STK11IP: variants seen among roughly 807,000 people sequenced by gnomAD.
STK11IP encodes serine/threonine kinase 11 interacting protein.
Under a neutral mutation model 131.7 loss-of-function variants are expected in STK11IP, and 103 were observed. The observed-to-expected ratio is 0.78, with a 90% CI of 0.67 to 0.92. The LOEUF (loss-of-function observed/expected upper bound fraction) is 0.92, where lower values mean the gene tolerates loss of function less well. Among genes scored for constraint, STK11IP ranks in the 40% least tolerant of loss-of-function variants. The pLI, the probability that STK11IP is intolerant of heterozygous loss-of-function variation, is 0.00. For synonymous variants in STK11IP, 557 were observed against 575.6 expected (o/e 0.97, Z 0.46); for missense variants, 1,315 against 1,385.7 (o/e 0.95, Z 0.81).
chr2:219,601,696 A>C lies in STK11IP; in HGVS notation c.323A>C (p.Lys108Thr), dbSNP rs1300748619. 4 of 1,607,036 alleles carry C rather than the reference A, an allele frequency of 2.5e-6. No individual in the cohort carries two copies. Among genetic ancestry groups the C allele is most frequent in the Non-Finnish European group, 3.4e-6 (4 of 1,176,384 alleles). The change falls in exon 4 of 25, where the codon AAA becomes ACA. Residue 108 changes from lysine (K) to threonine (T), a missense_variant. By Grantham distance (78) the Lys-to-Thr change is moderately conservative (BLOSUM62 -1). Coordinates refer to ENST00000456909, the MANE Select transcript of STK11IP (RefSeq NM_052902.4). ...GGGCCCATCAAGATTTTCCCCTTCA[A>C]ATCCCTTCGGCACCTGGAGGTATGG... ...PTGPIKIFPF[K>T]SLRHLELRGV...
At chr2:219,598,661 TCG>T (rs1697880090) in intron 2 of STK11IP, among the ~76,000 whole-genome samples, 1 of 152,224 alleles carries the variant, frequency 6.6e-6, no homozygotes, top group Non-Finnish European at 1.5e-5. Context: ...TTGTGGGGAT[TCG>T]TTTTAATTCA....
chr2:219,608,766 C>T lies in STK11IP; in HGVS notation c.1787C>T (p.Ala596Val), dbSNP rs1435111009. Residue 596 changes from alanine to valine, a missense_variant, in exon 15 of 25, where the codon GCC becomes GTC. By Grantham distance (64) the Ala-to-Val change is moderately conservative. Coordinates refer to ENST00000456909, the MANE Select transcript of STK11IP (RefSeq NM_052902.4). Reference sequence around the variant, plus strand: ...GCTGAGATAGAGCCGGAGGCCCAGGCCCAGAGGTCGCCCAGGCCCACGGTG... The same window carrying T: ...GCTGAGATAGAGCCGGAGGCCCAGGTCCAGAGGTCGCCCAGGCCCACGGTG... Reference protein sequence around the residue: ...EAAEIEPEAQAQRSPRPTGSD... With the variant: ...EAAEIEPEAQVQRSPRPTGSD... The T allele has an allele frequency of 6.2e-7, 1 of 1,608,128 alleles. No individual in the cohort carries two copies. The highest frequency in any genetic ancestry group is 8.5e-7 in the Non-Finnish European group (1 of 1,177,978).
intron 22 of STK11IP, 68 bp from the exon 23 acceptor site, chr2:219,614,408 C>T (rs1490401129): frequency 1.9e-6 from 3 of 1,568,662 alleles, no homozygotes; most frequent in Non-Finnish European, 2.6e-6. Flanking sequence ...GCTTTCTTCC[C>T]ACTCCCCTCT....
chr2:219,606,492 A>G lies in STK11IP; in HGVS notation c.962A>G (p.Lys321Arg). ...DAATGFLLDGKVLSLTDFQTH... is the reference protein window; with the variant it reads ...DAATGFLLDGRVLSLTDFQTH... ...TTTGCTCAGTTCCTTCTCGATGGCA[A>G]GGTCTTGTCACTGACAGATTTTCAG... is the stretch of plus-strand genomic sequence containing the variant. Residue 321 changes from lysine to arginine, a missense_variant, in exon 11 of 25, where the codon AAG becomes AGG. Physicochemically the swap from Lys to Arg is conservative, Grantham distance 26 (BLOSUM62 2). Transcript: ENST00000456909. The G allele has an allele frequency of 6.2e-7, 1 of 1,612,550 alleles. No individual in the cohort carries two copies. Among genetic ancestry groups the G allele is most frequent in the African/African-American group, 1.3e-5 (1 of 74,992 alleles).
At chr2:219,608,004 T>C (rs1228724245) in intron 13 of STK11IP, 43 bp from the exon 14 acceptor site, 1 of 1,581,080 alleles carries the variant, frequency 6.3e-7, no homozygotes, top group Non-Finnish European at 8.6e-7. Context: ...GGGCCATCTG[T>C]GTGGGGCAGG....
intron 23 of STK11IP, chr2:219,614,822 C>T: frequency 1.6e-6 from 1 of 636,270 alleles, no homozygotes; most frequent in Non-Finnish European, 2.8e-6. Flanking sequence ...TGAGTCGGCC[C>T]TGCCTCATCA....
Position 219,613,732 on chromosome 2 carries a change from T to C in STK11IP, c.2538-20T>C. ...CTCCACTCTCATGCTTCTCCATTGC[T>C]CTGTCCCCTCTCTCCACAGTGAGCC... On this transcript the variant is annotated intron_variant, in intron 20 of 24. Coordinates refer to ENST00000456909, the MANE Select transcript of STK11IP (RefSeq NM_052902.4). 1 of 1,612,110 alleles carries C rather than the reference T, an allele frequency of 6.2e-7. No homozygotes were observed. Among genetic ancestry groups the C allele is most frequent in the Non-Finnish European group, 8.5e-7 (1 of 1,179,526 alleles).
At chr2:219,605,928 T>C in intron 8 of STK11IP, 28 bp from the exon 9 acceptor site, 1 of 1,567,216 alleles carries the variant, frequency 6.4e-7, no homozygotes. Flanking sequence ...ATCCACATGC[T>C]CTTCCTTCCT....
rs1008139906 is a variant in STK11IP at position 219,605,845 on chromosome 2, G to A, written c.745+111G>A. ...AGCCTTGAGAGGGCTTATGGGGAGT[G>A]CAGGGGTGCTCTGGCCGGTCTTTCT... On this transcript the variant is annotated intron_variant, in intron 8 of 24. Transcript: ENST00000456909. The A allele has an allele frequency of 1.7e-5, 26 of 1,490,572 alleles. No homozygotes were observed. In the Admixed American group the frequency reaches 4.7e-4, roughly 27 times the overall value. The allele number at this position is 1,490,572 out of a possible 1,614,324, so 92.3% of individuals were successfully genotyped here.
chr2:219,608,242 C>T lies in STK11IP; in HGVS notation c.1415C>T (p.Pro472Leu), dbSNP rs534474699. The T allele has an allele frequency of 2.7e-5, 43 of 1,613,620 alleles. No homozygotes were observed. The highest frequency in any genetic ancestry group is 1.3e-4 in the Admixed American group (8 of 60,022). ...GPDTAPRPSP[P>L]QEEARGPQES... ...GACACTGCACCCAGACCTTCACCCC[C>T]GCAGGAGGAAGCCAGAGGCCCCCAG... The change falls in exon 14 of 25, where the codon CCG becomes CTG. Residue 472 changes from proline to leucine, a missense_variant. Pro to Leu is a moderately conservative substitution (Grantham distance 98). Coordinates refer to ENST00000456909, the MANE Select transcript of STK11IP (RefSeq NM_052902.4).
Position 219,613,800 on chromosome 2 carries a change from G to A in STK11IP, c.2586G>A (p.Gln862=), listed in dbSNP as rs1264472620. 1.9e-6 allele frequency: 3 copies of A among 1,612,396 alleles called. No homozygotes were observed. The highest frequency in any genetic ancestry group is 8.5e-7 in the Non-Finnish European group (1 of 1,179,678). ...AGCTGACCCTGGCTGTTCCCCTGCAGGATCTGAGTGGCATAGAGCTGGGCC... is the reference window on the plus strand; with the variant it reads ...AGCTGACCCTGGCTGTTCCCCTGCAAGATCTGAGTGGCATAGAGCTGGGCC... ...WLQLTLAVPL[Q]DLSGIELGLA... Residue 862 remains glutamine, a synonymous_variant, in exon 21 of 25, where the codon CAG becomes CAA. Transcript: ENST00000456909.
intron 7 of STK11IP, 37 bp downstream of exon 7, chr2:219,602,813 G>A (rs748572229): frequency 5.1e-6 from 8 of 1,573,808 alleles, no homozygotes; most frequent in Non-Finnish European, 7.0e-6. Flanking sequence ...CACACCATGG[G>A]TCTTTGATTG....
At position 219,614,463 on chromosome 2, in the gene STK11IP, A is replaced by C; in HGVS notation, c.2799-13A>C. 6.2e-7 allele frequency: 1 copy of C among 1,613,494 alleles called. No homozygotes were observed. The highest frequency in any genetic ancestry group is 8.5e-7 in the Non-Finnish European group (1 of 1,179,678). ...GCTAGCTGATCTTCCTGTGCCTGCC[A>C]TATTCCCTCTAGGCCATTGCTGGAA... On this transcript the variant is annotated splice_polypyrimidine_tract_variant and intron_variant, in intron 22 of 24. Coordinates refer to ENST00000456909, the MANE Select transcript of STK11IP (RefSeq NM_052902.4).
intron 23 of STK11IP, 31 bp from the exon 24 acceptor site, chr2:219,615,063 C>A: frequency 6.3e-7 from 1 of 1,596,730 alleles, no homozygotes; most frequent in Non-Finnish European, 8.5e-7. Context: ...CCCTCCATGA[C>A]CTTCCACACT....
At chr2:219,615,066 T>G (rs1487202499) in intron 23 of STK11IP, 28 bp from the exon 24 acceptor site, 3 of 1,598,832 alleles carry the variant, frequency 1.9e-6, no homozygotes, top group Non-Finnish European at 2.6e-6. Flanking sequence ...TCCATGACCT[T>G]CCACACTGGA....
rs775288380 is a variant in STK11IP at position 219,608,236 on chromosome 2, C to T, written c.1409C>T (p.Ser470Leu). Residue 470 changes from serine to leucine, a missense_variant, in exon 14 of 25, where the codon TCA becomes TTA. By Grantham distance (145) the Ser-to-Leu change is moderately radical (BLOSUM62 -2). Coordinates refer to ENST00000456909, the MANE Select transcript of STK11IP (RefSeq NM_052902.4). ...SQGPDTAPRP[S>L]PPQEEARGPQ... is the part of the protein sequence containing the mutation. ...GGCCCCGACACTGCACCCAGACCTTCACCCCCGCAGGAGGAAGCCAGAGGC... is the reference window on the plus strand; with the variant it reads ...GGCCCCGACACTGCACCCAGACCTTTACCCCCGCAGGAGGAAGCCAGAGGC... The T allele has an allele frequency of 9.3e-6, 15 of 1,613,654 alleles. No individual in the cohort carries two copies. Among genetic ancestry groups the T allele is most frequent in the Non-Finnish European group, 1.3e-5 (15 of 1,179,882 alleles).
intron 16 of STK11IP, 23 bp downstream of exon 16, chr2:219,609,236 C>A: frequency 6.3e-7 from 1 of 1,580,498 alleles, no homozygotes; most frequent in Non-Finnish European, 8.6e-7. Flanking sequence ...AGAGTGGGGG[C>A]CCAGGAGGCT....
intron 7 of STK11IP, 111 bp downstream of exon 7, chr2:219,602,887 G>A: frequency 9.4e-7 from 1 of 1,065,098 alleles, no homozygotes. Context: ...CATGAGGGTG[G>A]AGCTGCATTC....
rs761596341 is a variant in STK11IP at position 219,606,752 on chromosome 2, TGCCCTG to T, written c.1032_1037del (p.Trp345_Pro346del). On this transcript the variant is annotated inframe_deletion, in exon 12 of 25. Coordinates refer to ENST00000456909, the MANE Select transcript of STK11IP (RefSeq NM_052902.4). ...GGGCTCAGCCCCATGGGCCCACCTT[TGCCCTG>T]GCCAGTGGGGAGTACTCCTGAAACC... The T allele has an allele frequency of 6.2e-7, 1 of 1,613,622 alleles. No homozygotes were observed.
Sources: gnomAD v4.1 joint callset for allele counts (sites outside exome capture counted in the v4.1 genomes callset) on GRCh38, gnomAD v4.1.1 for gene constraint, MANE v1.5 for transcripts, NCBI Gene and HGNC (gene_info 2026-07-23, HGNC 2026-07-21) for gene names.